SLC26A7: variants seen among roughly 807,000 people sequenced by gnomAD.
SLC26A7 encodes the protein anion exchange transporter.
In SLC26A7, 59 loss-of-function variants were observed where a neutral mutation model predicts 82.5. The observed-to-expected ratio is 0.72, with a 90% CI of 0.58 to 0.89. The LOEUF (loss-of-function observed/expected upper bound fraction) is 0.89, where lower values mean the gene tolerates loss of function less well. SLC26A7 is among the 40% of genes least tolerant of loss of function. The probability of loss-of-function intolerance (pLI) is 0.00; values close to 1 mark genes in which losing one functional copy is unlikely to be tolerated. For synonymous variants in SLC26A7, 271 were observed against 274.3 expected, an observed-to-expected ratio of 0.99 and a Z score of 0.12; for missense variants, 820 against 793.0, an observed-to-expected ratio of 1.03 and a Z score of -0.41.
At chr8:91,232,563 G>A (rs1425251407) in intron 2 of SLC26A7, among the ~76,000 whole-genome samples, 1 of 152,182 alleles carries the variant, frequency 6.6e-6, no homozygotes, top group African/African-American at 2.4e-5. Flanking sequence ...AACATGTCTT[G>A]CTGAATTTCA....
At chr8:91,268,836 A>G (rs1324132620) in intron 2 of SLC26A7, among the ~76,000 whole-genome samples, 1 of 151,034 alleles carries the variant, frequency 6.6e-6, no homozygotes, top group African/African-American at 2.4e-5. Context: ...ATTTATTTTT[A>G]GTGTATCCAT....
At chr8:91,363,894 A>G (rs1354334332) in intron 13 of SLC26A7, among the ~76,000 whole-genome samples, 1 of 152,022 alleles carries the variant, frequency 6.6e-6, no homozygotes, top group Non-Finnish European at 1.5e-5. Context: ...TCATGGAGGA[A>G]GATAGGAAAT....
intron 6 of SLC26A7, among the ~76,000 whole-genome samples, chr8:91,337,693 T>C (rs763080386): frequency 5.3e-5 from 8 of 152,318 alleles, no homozygotes; most frequent in Non-Finnish European, 1.0e-4. Flanking sequence ...TAAATCATCA[T>C]TGATTACTAA....
intron 10 of SLC26A7, 73 bp from the exon 11 acceptor site, chr8:91,352,828 A>G (rs945443982): frequency 7.5e-6 from 9 of 1,203,260 alleles, no homozygotes; most frequent in Non-Finnish European, 1.1e-5. Flanking sequence ...AAAAAATAAA[A>G]ATACCTTAGC....
At position 91,371,745 on chromosome 8, in the gene SLC26A7, A is replaced by G. The variant is rs34454457; in HGVS notation, c.1675+1912A>G. 8.9e-3 allele frequency among the ~76,000 whole-genome samples: 1,348 copies of G among 152,136 alleles called. 13 individuals are homozygous for G. Among genetic ancestry groups the G allele is most frequent in the Non-Finnish European group, 0.015 (998 of 67,876 alleles). On this transcript the variant is annotated intron_variant, in intron 15 of 18. Transcript: ENST00000276609. ...TTTCTTTTCCTTTGGGTAGATACCC[A>G]GTAGTGGGATTGCTAGGTTGAATGG...
At chr8:91,306,806 C>A (rs925575710) in intron 4 of SLC26A7, among the ~76,000 whole-genome samples, 3 of 151,760 alleles carry the variant, frequency 2.0e-5, no homozygotes, top group Non-Finnish European at 2.9e-5. Flanking sequence ...AACTCCAGGG[C>A]TCAAGTTATC....
chr8:91,355,483 A>T (rs964127422), intron 11 of SLC26A7, among the ~76,000 whole-genome samples: 1 of 151,694 alleles, frequency 6.6e-6, no homozygotes, highest in African/African-American at 2.4e-5. Flanking sequence ...ATTTCTTTGG[A>T]CTAGACACAT....
intron 5 of SLC26A7, among the ~76,000 whole-genome samples, chr8:91,333,918 G>T (rs907153136): frequency 4.6e-5 from 7 of 152,136 alleles, no homozygotes; most frequent in Non-Finnish European, 2.9e-5. Context: ...TCTGGGGTTT[G>T]AGGAGGGCCC....
At chr8:91,353,109 A>G (rs959271606) in intron 11 of SLC26A7, 113 bp downstream of exon 11, 65 of 570,128 alleles carry the variant, frequency 1.1e-4, no homozygotes, top group Non-Finnish European at 8.6e-5. Flanking sequence ...AGACTTGTAC[A>G]CTTTACAAAC....
At chr8:91,338,767 A>T (rs1813315098) in intron 7 of SLC26A7, among the ~76,000 whole-genome samples, 1 of 152,172 alleles carries the variant, frequency 6.6e-6, no homozygotes, top group South Asian at 2.1e-4. Context: ...GTTCACCCTA[A>T]AATGAGCAAA....
rs771201365 is a variant in SLC26A7 at position 91,351,865 on chromosome 8, C to A, written c.1196C>A (p.Pro399His). Residue 399 changes from proline (P) to histidine (H), a missense_variant, in exon 10 of 19, where the codon CCT becomes CAT. Physicochemically the swap from Pro to His is moderately conservative, Grantham distance 77. Transcript: ENST00000276609. ...FVLIVIYAIG[P>H]LLYWLPMCVL... Reference sequence around the variant, plus strand: ...CTTATAGTCATCTATGCAATAGGACCTTTGCTTTACTGGCTGCCCATGGTA... The same window carrying A: ...CTTATAGTCATCTATGCAATAGGACATTTGCTTTACTGGCTGCCCATGGTA... 3 of 1,611,950 alleles carry A rather than the reference C, an allele frequency of 1.9e-6. No individual in the cohort carries two copies. The highest frequency in any genetic ancestry group is 2.2e-5 in the East Asian group (1 of 44,856).
chr8:91,328,580 A>T (rs1563681521), intron 5 of SLC26A7, among the ~76,000 whole-genome samples: 1 of 152,110 alleles, frequency 6.6e-6, no homozygotes, highest in Non-Finnish European at 1.5e-5. Flanking sequence ...CTACTTACAG[A>T]CTTATTGTTA....
chr8:91,243,172 A>C (rs777649217), intron 2 of SLC26A7, among the ~76,000 whole-genome samples: 13 of 152,188 alleles, frequency 8.5e-5, no homozygotes, highest in Non-Finnish European at 1.8e-4. Context: ...AGCAGGTCAT[A>C]GGGAGGGTGA....
At chr8:91,322,769 A>G (rs1444662423) in intron 5 of SLC26A7, among the ~76,000 whole-genome samples, 2 of 152,176 alleles carry the variant, frequency 1.3e-5, no homozygotes, top group African/African-American at 4.8e-5. Flanking sequence ...CCCAAGAGCA[A>G]AAGGCGAGCT....
At chr8:91,263,935 A>G (rs1402369604) in intron 2 of SLC26A7, among the ~76,000 whole-genome samples, 1 of 151,982 alleles carries the variant, frequency 6.6e-6, no homozygotes, top group Non-Finnish European at 1.5e-5. Context: ...TAGTTGAATA[A>G]AAGAATCATA....
At chr8:91,229,062 G>T (rs1277018509) in intron 2 of SLC26A7, among the ~76,000 whole-genome samples, 1 of 152,194 alleles carries the variant, frequency 6.6e-6, no homozygotes, top group African/African-American at 2.4e-5. Context: ...TTAGCACAAT[G>T]ACCAGAAAGG....
intron 2 of SLC26A7, among the ~76,000 whole-genome samples, chr8:91,262,177 G>A (rs886686404): frequency 9.2e-5 from 14 of 152,002 alleles, no homozygotes; most frequent in African/African-American, 3.4e-4. Flanking sequence ...CATTGCCAAA[G>A]GTAGGATTTA....
At chr8:91,321,532 T>A (rs1352531084) in intron 5 of SLC26A7, among the ~76,000 whole-genome samples, 1 of 152,196 alleles carries the variant, frequency 6.6e-6, no homozygotes, top group Non-Finnish European at 1.5e-5. Context: ...CTTCGAGAAT[T>A]TCTAGGGTCC....
chr8:91,246,300 C>T (rs1810543148), upstream of SLC26A7, among the ~76,000 whole-genome samples: 2 of 152,156 alleles, frequency 1.3e-5, no homozygotes, highest in African/African-American at 2.4e-5. Context: ...TGTGAATAAT[C>T]CCTACTCAAA....
Sources: gnomAD v4.1 joint callset for allele counts (sites outside exome capture counted in the v4.1 genomes callset) on GRCh38, gnomAD v4.1.1 for gene constraint, MANE v1.5 for transcripts, NCBI Gene and HGNC (gene_info 2026-07-23, HGNC 2026-07-21) for gene names.